The following CMKLR1 variants were observed in gnomAD, a reference collection of about 807,000 sequenced individuals.
CMKLR1 encodes chemerin-like receptor 1.
CMKLR1 carries 6 observed loss-of-function variants against 8.2 expected under a neutral mutation model. The ratio of observed to expected loss-of-function variants is 0.73; its 90% CI spans 0.40 to 1.44. The LOEUF (loss-of-function observed/expected upper bound fraction) is 1.44, where lower values mean the gene tolerates loss of function less well. CMKLR1 is among the 40% of genes most tolerant of loss of function. The probability of loss-of-function intolerance (pLI) is 0.02; values close to 1 mark genes in which losing one functional copy is unlikely to be tolerated. For synonymous variants in CMKLR1, 178 were observed against 181.2 expected (o/e 0.98, Z 0.14); for missense variants, 429 against 478.0 (o/e 0.90, Z 0.96).
chr12:108,336,051 G>C (rs947672900), intron 1 of CMKLR1, among the ~76,000 whole-genome samples: 8 of 152,132 alleles, frequency 5.3e-5, no homozygotes, highest in Non-Finnish European at 1.2e-4. Context: ...TGCTTAGAAG[G>C]GAAAAAAGAA....
chr12:108,314,192 G>A (rs1180872873), intron 2 of CMKLR1, among the ~76,000 whole-genome samples: 2 of 152,086 alleles, frequency 1.3e-5, no homozygotes, highest in African/African-American at 2.4e-5. Flanking sequence ...AGAAGGAAGG[G>A]AAACATGTGT....
intron 1 of CMKLR1, among the ~76,000 whole-genome samples, chr12:108,335,287 G>A (rs1424590943): frequency 6.6e-6 from 1 of 152,112 alleles, no homozygotes; most frequent in African/African-American, 2.4e-5. Flanking sequence ...CAACTAGATT[G>A]GCCACATGAT....
intron 2 of CMKLR1, among the ~76,000 whole-genome samples, chr12:108,300,745 A>T (rs902546461): frequency 6.6e-6 from 1 of 152,174 alleles, no homozygotes; most frequent in Non-Finnish European, 1.5e-5. Context: ...CCCACCTCCT[A>T]GGGCTGTTGT....
intron 2 of CMKLR1, among the ~76,000 whole-genome samples, chr12:108,296,829 A>G (rs1823044786): frequency 6.6e-6 from 1 of 152,136 alleles, no homozygotes; most frequent in African/African-American, 2.4e-5. Context: ...TCTTCAAAAA[A>G]AAAAAAAGAG....
intron 1 of CMKLR1, among the ~76,000 whole-genome samples, chr12:108,333,922 G>A (rs1459497724): frequency 2.6e-5 from 4 of 152,264 alleles, no homozygotes; most frequent in African/African-American, 9.6e-5. Flanking sequence ...CCTGAAACCA[G>A]CATGTCCTGA....
At position 108,288,980 on chromosome 12, in the gene CMKLR1, T is replaced by A. The variant is rs1331901526; in HGVS notation, c.*2861A>T. 1.4e-5 allele frequency: 2 copies of A among 142,810 alleles called. No homozygotes were observed. Among genetic ancestry groups the A allele is most frequent in the Non-Finnish European group, 3.0e-5 (2 of 66,310 alleles). 8.8% of individuals were successfully genotyped at this position (142,810 alleles called of 1,614,324 possible). On this transcript the variant is annotated 3_prime_UTR_variant, in exon 4 of 4. Transcript: ENST00000550402. Reference sequence around the variant, plus strand: ...CCCCCCCCCCACCTTGCTATGATGGTCCCCTTCTGCCAGGGCCAATTTGAG... The same window carrying A: ...CCCCCCCCCCACCTTGCTATGATGGACCCCTTCTGCCAGGGCCAATTTGAG...
At position 108,291,606 on chromosome 12, in the gene CMKLR1, G is replaced by C. The variant is rs994568499; in HGVS notation, c.*235C>G. The C allele has an allele frequency of 7.8e-6, 4 of 511,196 alleles. No homozygotes were observed. The highest frequency in any genetic ancestry group is 1.4e-5 in the Non-Finnish European group (4 of 291,174). 31.7% of individuals were successfully genotyped at this position (511,196 alleles called of 1,614,324 possible). A position where few individuals can be genotyped will look rare whatever the true frequency, so the allele number is the denominator to read the frequency against. Reference sequence around the variant, plus strand: ...TTTTTGCTTTGAGTCAGTCAAGGCTGGCCTCCCAAGAAGCATAAATTGCTA... The same window carrying C: ...TTTTTGCTTTGAGTCAGTCAAGGCTCGCCTCCCAAGAAGCATAAATTGCTA... On this transcript the variant is annotated 3_prime_UTR_variant, in exon 4 of 4. Transcript: ENST00000550402.
At chr12:108,301,460 T>C (rs1375314392) in intron 2 of CMKLR1, among the ~76,000 whole-genome samples, 1 of 152,116 alleles carries the variant, frequency 6.6e-6, no homozygotes, top group Non-Finnish European at 1.5e-5. Flanking sequence ...CTGCAGACCA[T>C]GTCTTACCTG....
chr12:108,293,709 T>A, intron 2 of CMKLR1, 45 bp from the exon 3 acceptor site: 1 of 1,154,916 alleles, frequency 8.7e-7, no homozygotes, highest in South Asian at 1.4e-5. Flanking sequence ...TGGATCCAGG[T>A]CTAAGAACCA....
chr12:108,315,128 G>A (rs1891689197), intron 2 of CMKLR1, among the ~76,000 whole-genome samples: 1 of 151,396 alleles, frequency 6.6e-6, no homozygotes, highest in African/African-American at 2.4e-5. Context: ...GCAGTGATGG[G>A]GTTTCTCCAT....
intron 2 of CMKLR1, among the ~76,000 whole-genome samples, chr12:108,310,271 CATCAACTTT>C (rs1265231195): frequency 4.6e-5 from 7 of 151,790 alleles, no homozygotes; most frequent in African/African-American, 1.7e-4. Context: ...CCCTGCAAGC[CATCAACTTT>C]ATCCTATGGG....
chr12:108,306,165 C>T (rs1389785614), intron 2 of CMKLR1, among the ~76,000 whole-genome samples: 1 of 152,226 alleles, frequency 6.6e-6, no homozygotes, highest in African/African-American at 2.4e-5. Context: ...TCCACAACTG[C>T]AGGCGTGGAG....
In CMKLR1 at chr12:108,292,472, C is replaced by T. The variant is rs1221387015; in HGVS notation, c.491G>A (p.Trp164Ter). The stretch of plus-strand genomic sequence containing the variant: ...GGAACTCAAGAAGAAAGCCAGGACC[C>T]AGATGACCATGCAGGCCATGTAAGC... ...RLAYMACMVI[W>*]VLAFFLSSPS... The change falls in exon 4 of 4, where the codon TGG becomes TAG. Residue 164 changes from tryptophan to a stop codon, truncating the protein, a stop_gained. Coordinates refer to ENST00000550402, the MANE Select transcript of CMKLR1 (RefSeq NM_001142343.2). LOFTEE classifies it low-confidence loss of function (END_TRUNC). The T allele has an allele frequency of 6.2e-7, 1 of 1,614,052 alleles. No individual in the cohort carries two copies. The highest frequency in any genetic ancestry group is 1.7e-5 in the Admixed American group (1 of 60,004).
chr12:108,325,881 T>C (rs542545909), intron 2 of CMKLR1, among the ~76,000 whole-genome samples: 1 of 140,424 alleles, frequency 7.1e-6, no homozygotes, highest in Admixed American at 7.6e-5. Flanking sequence ...AAGACAGTTT[T>C]ACCAGTTCTG....
chr12:108,324,371 C>T (rs994733954), intron 2 of CMKLR1, among the ~76,000 whole-genome samples: 4 of 152,142 alleles, frequency 2.6e-5, no homozygotes, highest in African/African-American at 4.8e-5. Flanking sequence ...TTGGGCAAGT[C>T]GCTTAACCTC....
intron 2 of CMKLR1, among the ~76,000 whole-genome samples, chr12:108,294,316 T>C (rs1891070952): frequency 6.6e-6 from 1 of 152,212 alleles, no homozygotes; most frequent in South Asian, 2.1e-4. Context: ...GACACAAATA[T>C]ATCCACTGAG....
At chr12:108,320,855 A>G (rs754216670) in intron 2 of CMKLR1, among the ~76,000 whole-genome samples, 13 of 152,244 alleles carry the variant, frequency 8.5e-5, no homozygotes, top group Non-Finnish European at 5.9e-5. Context: ...ACAGTCCAGC[A>G]GCCAAAAGTG....
Position 108,292,211 on chromosome 12 carries a change from C to A in CMKLR1, c.752G>T (p.Arg251Leu), listed in dbSNP as rs750358962. 116 of 1,613,844 alleles carry A rather than the reference C, an allele frequency of 7.2e-5. No homozygotes were observed. The highest frequency in any genetic ancestry group is 9.1e-5 in the Non-Finnish European group (107 of 1,179,966). Residue 251 changes from arginine (R) to leucine (L), a missense_variant, in exon 4 of 4, where the codon CGC (arginine) becomes CTC (leucine). Arg to Leu is a moderately radical substitution (Grantham distance 102, BLOSUM62 -2). Transcript: ENST00000550402. The stretch of plus-strand genomic sequence containing the variant: ...GAAGGGCTTCTTGGTCTTGGCCAGG[C>A]GGTTGCGCTGCAGTTTGCACACGAT... Reference protein sequence around the residue: ...LTIVCKLQRNRLAKTKKPFKI... With the variant: ...LTIVCKLQRNLLAKTKKPFKI...
At chr12:108,305,969 C>G (rs1045609498) in intron 2 of CMKLR1, among the ~76,000 whole-genome samples, 1 of 152,100 alleles carries the variant, frequency 6.6e-6, no homozygotes, top group South Asian at 2.1e-4. Flanking sequence ...TCAGGGAGAC[C>G]CCCCCACCCA....
Sources: gnomAD v4.1 joint callset for allele counts (sites outside exome capture counted in the v4.1 genomes callset) on GRCh38, gnomAD v4.1.1 for gene constraint, MANE v1.5 for transcripts, NCBI Gene and HGNC (gene_info 2026-07-23, HGNC 2026-07-21) for gene names.